PROSER2: variants seen among roughly 807,000 people sequenced by gnomAD.
The protein encoded by PROSER2 is proline and serine rich 2, also known as proline and serine-rich protein 2.
PROSER2 carries 18 observed loss-of-function variants against 14.6 expected under a neutral mutation model. The ratio of observed to expected loss-of-function variants is 1.23; its 90% CI spans 0.85 to 1.83. PROSER2 has a LOEUF of 1.83. Ranked by LOEUF, PROSER2 falls within the 40% of genes most tolerant of loss-of-function variation. The pLI is 0.00. For missense variants in PROSER2, 823 were observed against 629.8 expected (o/e 1.31, Z -3.28); for synonymous variants, 367 against 286.4 (o/e 1.28, Z -2.84).
intron 1 of PROSER2, among the ~76,000 whole-genome samples, chr10:11,833,440 C>T (rs1478806331): frequency 1.3e-5 from 2 of 151,754 alleles, no homozygotes; most frequent in Non-Finnish European, 2.9e-5. Context: ...CCGGTAATCC[C>T]AGCACTTTGG....
At chr10:11,848,350 G>A (rs1564306808) in intron 1 of PROSER2, among the ~76,000 whole-genome samples, 1 of 152,166 alleles carries the variant, frequency 6.6e-6, no homozygotes, top group Non-Finnish European at 1.5e-5. Flanking sequence ...TATATTTTTA[G>A]TAGAGACGGG....
intron 1 of PROSER2, among the ~76,000 whole-genome samples, chr10:11,832,856 T>C (rs1466850634): frequency 2.0e-5 from 3 of 152,142 alleles, no homozygotes; most frequent in South Asian, 4.1e-4. Flanking sequence ...TTTTGTTTTG[T>C]TTTTGAGACA....
At chr10:11,852,303 A>C in intron 2 of PROSER2, 88 bp downstream of exon 2, 1 of 1,414,638 alleles carries the variant, frequency 7.1e-7, no homozygotes. Flanking sequence ...ATATTTTACC[A>C]GATCTTTTTG....
intron 1 of PROSER2, among the ~76,000 whole-genome samples, chr10:11,833,639 C>T (rs569195904): frequency 6.6e-6 from 1 of 151,858 alleles, no homozygotes; most frequent in South Asian, 2.1e-4. Flanking sequence ...TGCAGTGAGC[C>T]GAGATCATGC....
At chr10:11,860,539 C>A (rs544750568) in intron 2 of PROSER2, among the ~76,000 whole-genome samples, 4 of 152,108 alleles carry the variant, frequency 2.6e-5, no homozygotes, top group African/African-American at 9.6e-5. Context: ...TGCTTGAACC[C>A]AGGAGGCGGA....
rs569904282 is a variant in PROSER2 at position 11,841,423 on chromosome 10, A to G, written c.-81-10574A>G. Among the ~76,000 whole-genome samples the G allele has an allele frequency of 2.0e-5, 3 of 152,002 alleles. No homozygotes were observed. In the South Asian group the frequency reaches 6.2e-4, roughly 32 times the overall value. On this transcript the variant is annotated intron_variant, in intron 1 of 3. Transcript: ENST00000277570. ...ATTTTTCTCTACTGTATGTTTTTCTATTTAATTTCATGTTCTTTTTCTTGT... is the reference window on the plus strand; with the variant it reads ...ATTTTTCTCTACTGTATGTTTTTCTGTTTAATTTCATGTTCTTTTTCTTGT...
At chr10:11,859,577 T>G (rs1834195174) in intron 2 of PROSER2, among the ~76,000 whole-genome samples, 1 of 152,174 alleles carries the variant, frequency 6.6e-6, no homozygotes, top group East Asian at 1.9e-4. Flanking sequence ...TCATTTCCTA[T>G]CTACATAGTT....
chr10:11,835,361 G>C (rs1032106667), intron 1 of PROSER2, among the ~76,000 whole-genome samples: 1 of 152,102 alleles, frequency 6.6e-6, no homozygotes, highest in East Asian at 1.9e-4. Flanking sequence ...AAGGAACCAG[G>C]CGTGTGCTCA....
chr10:11,839,750 G>C (rs564353147), intron 1 of PROSER2, among the ~76,000 whole-genome samples: 1 of 150,474 alleles, frequency 6.6e-6, no homozygotes, highest in Non-Finnish European at 1.5e-5. Context: ...GCTTGAACCC[G>C]GGAGGCAGAG....
In PROSER2 at chr10:11,870,057, G is replaced by C; in HGVS notation, c.959G>C (p.Arg320Pro). The C allele has an allele frequency of 8.1e-7, 1 of 1,241,888 alleles. No homozygotes were observed. The highest frequency in any genetic ancestry group is 1.0e-6 in the Non-Finnish European group (1 of 993,164). 76.9% of individuals were successfully genotyped at this position (1,241,888 alleles called of 1,614,324 possible). The change falls in exon 4 of 4, where the codon CGG becomes CCG. Residue 320 changes from arginine (R) to proline (P), a missense_variant. Arg to Pro is a moderately radical substitution (Grantham distance 103). Transcript: ENST00000277570. The part of the protein sequence containing the change: ...GSSPERVARG[R>P]GLPGPAESLR... ...TCCCCGGAGCGGGTGGCGCGTGGCC[G>C]GGGCCTGCCGGGCCCCGCTGAGAGT...
chr10:11,869,702 T>G lies in PROSER2; in HGVS notation c.604T>G (p.Ser202Ala). ...PTPLVMAQKISERMAGNEALS... is the reference protein window; with the variant it reads ...PTPLVMAQKIAERMAGNEALS... ...GCCCCTCGTTATGGCGCAGAAGATT[T>G]CCGAGAGGATGGCGGGGAACGAAGC... Residue 202 changes from serine (S) to alanine (A), a missense_variant, in exon 4 of 4, where the codon TCC (serine) becomes GCC (alanine). Physicochemically the swap from Ser to Ala is moderately conservative, Grantham distance 99. Coordinates refer to ENST00000277570, the MANE Select transcript of PROSER2 (RefSeq NM_153256.4). The surrounding 1 kb of genome is among the most constrained non-coding windows in gnomAD (Gnocchi z 4.4). The G allele has an allele frequency of 6.3e-7, 1 of 1,596,764 alleles. No homozygotes were observed. The highest frequency in any genetic ancestry group is 8.5e-7 in the Non-Finnish European group (1 of 1,172,436).
At chr10:11,829,835 ATTTTTTTTTTTT>A (rs5783232) in intron 1 of PROSER2, among the ~76,000 whole-genome samples, 2 of 66,268 alleles carry the variant, frequency 3.0e-5, no homozygotes, top group Admixed American at 2.5e-4. Flanking sequence ...TTTACTTCTG[ATTTTTTTTTTTT>A]TTTTTTTTTT....
chr10:11,870,008 G>A lies in PROSER2; in HGVS notation c.910G>A (p.Glu304Lys). ...GAFPAAGDAG[E>K]GAPGGGSSPE... Reference sequence around the variant, plus strand: ...CTTCCCCGCCGCGGGGGACGCCGGCGAGGGGGCCCCAGGGGGCGGCTCCTC... The same window carrying A: ...CTTCCCCGCCGCGGGGGACGCCGGCAAGGGGGCCCCAGGGGGCGGCTCCTC... The change falls in exon 4 of 4, where the codon GAG (glutamate) becomes AAG (lysine). Residue 304 changes from glutamate to lysine, a missense_variant. Transcript: ENST00000277570. The A allele has an allele frequency of 2.4e-6, 3 of 1,249,600 alleles. No individual in the cohort carries two copies. The highest frequency in any genetic ancestry group is 2.0e-6 in the Non-Finnish European group (2 of 998,178). 77.4% of individuals were successfully genotyped at this position (1,249,600 alleles called of 1,614,324 possible). A position where few individuals can be genotyped will look rare whatever the true frequency, so the allele number is the denominator to read the frequency against.
chr10:11,864,338 G>GT (rs1834301998), intron 2 of PROSER2, among the ~76,000 whole-genome samples: 1 of 152,128 alleles, frequency 6.6e-6, no homozygotes, highest in Non-Finnish European at 1.5e-5. Context: ...CAAACTTAAT[G>GT]AAGTTATAAG....
chr10:11,870,293 G>C lies in PROSER2; in HGVS notation c.1195G>C (p.Asp399His). 1 of 1,494,778 alleles carries C rather than the reference G, an allele frequency of 6.7e-7. No individual in the cohort carries two copies. Among genetic ancestry groups the C allele is most frequent in the Non-Finnish European group, 8.9e-7 (1 of 1,128,758 alleles). The allele number at this position is 1,494,778 out of a possible 1,614,324, so 92.6% of individuals were successfully genotyped here. Residue 399 changes from aspartate to histidine, a missense_variant, in exon 4 of 4, where the codon GAC (aspartate) becomes CAC (histidine). Asp to His is a moderately conservative substitution (Grantham distance 81). Coordinates refer to ENST00000277570, the MANE Select transcript of PROSER2 (RefSeq NM_153256.4). ...PNGAQDWRRADSLPRPQGITV... is the reference protein window; with the variant it reads ...PNGAQDWRRAHSLPRPQGITV... ...CGGCGCCCAGGACTGGCGCCGCGCA[G>C]ACTCCCTGCCCCGGCCCCAGGGCAT...
At chr10:11,863,543 CA>C (rs796501996) in intron 2 of PROSER2, among the ~76,000 whole-genome samples, 1,763 of 125,556 alleles carry the variant, frequency 0.014, 24 homozygotes, top group African/African-American at 0.047. Context: ...ATCCCCCCCA[CA>C]AAAAAAAAAA....
intron 2 of PROSER2, among the ~76,000 whole-genome samples, chr10:11,857,001 G>A (rs1273968287): frequency 6.6e-6 from 1 of 152,212 alleles, no homozygotes; most frequent in African/African-American, 2.4e-5. Flanking sequence ...TCAAACAGCT[G>A]CTTTAAAACA....
chr10:11,827,365 C>A (rs1833630034), intron 1 of PROSER2, among the ~76,000 whole-genome samples: 1 of 152,044 alleles, frequency 6.6e-6, no homozygotes, highest in Non-Finnish European at 1.5e-5. Flanking sequence ...TTTGTGTTAG[C>A]TTTCGTATCA....
At chr10:11,840,384 A>G (rs191367254) in intron 1 of PROSER2, among the ~76,000 whole-genome samples, 10 of 152,120 alleles carry the variant, frequency 6.6e-5, no homozygotes, top group Non-Finnish European at 1.2e-4. Flanking sequence ...TTCATCATCT[A>G]TTGAGATGAT....
Sources: allele counts gnomAD v4.1 joint callset (sites outside exome capture counted in the v4.1 genomes callset), GRCh38; gene constraint gnomAD v4.1.1; non-coding constraint Gnocchi (gnomAD v3.1); transcripts MANE v1.5; gene names NCBI Gene and HGNC (gene_info 2026-07-23, HGNC 2026-07-21).